The following PLA1A variants were observed in gnomAD, a reference collection of about 807,000 sequenced individuals.
The protein encoded by PLA1A is phosphatidylserine-specific phospholipase A1alpha.
Under a neutral mutation model 49.4 loss-of-function variants are expected in PLA1A, and 47 were observed. The observed-to-expected ratio is 0.95, with a 90% CI of 0.75 to 1.21. The LOEUF (loss-of-function observed/expected upper bound fraction) is 1.21, where lower values mean the gene tolerates loss of function less well. Among genes scored for constraint, PLA1A ranks in the 50% most tolerant of loss-of-function variants. The pLI is 0.00. For missense variants in PLA1A, 561 were observed against 563.9 expected, an observed-to-expected ratio of 0.99 and a Z score of 0.05; for synonymous variants, 224 against 207.9, an observed-to-expected ratio of 1.08 and a Z score of -0.67.
At chr3:119,626,432 G>A (rs961742230) in intron 9 of PLA1A, among the ~76,000 whole-genome samples, 8 of 152,184 alleles carry the variant, frequency 5.3e-5, no homozygotes, top group Non-Finnish European at 1.2e-4. Context: ...AGGAAATGAT[G>A]AGCAGGCTTT....
At position 119,606,819 on chromosome 3, in the gene PLA1A, G is replaced by A. The variant is rs779448679; in HGVS notation, c.119G>A (p.Ser40Asn). The A allele has an allele frequency of 1.2e-6, 2 of 1,614,124 alleles. No individual in the cohort carries two copies. Among genetic ancestry groups the A allele is most frequent in the East Asian group, 2.2e-5 (1 of 44,882 alleles). The change falls in exon 2 of 11, where the codon AGC (serine) becomes AAC (asparagine). Residue 40 changes from serine (S) to asparagine (N), a missense_variant. Ser to Asn is a conservative substitution (Grantham distance 46). Coordinates refer to ENST00000273371, the MANE Select transcript of PLA1A (RefSeq NM_015900.4). ...CAGCCAAAGTGCGCTGACTTCCAGAGCGCCAACCTTTTTGAAGGCACCGAT... is the reference window on the plus strand; with the variant it reads ...CAGCCAAAGTGCGCTGACTTCCAGAACGCCAACCTTTTTGAAGGCACCGAT... ...TPQPKCADFQ[S>N]ANLFEGTDLK...
rs1054158463 is a variant in PLA1A at position 119,606,803 on chromosome 3, T to C, written c.103T>C (p.Cys35Arg). 1 of 1,614,200 alleles carries C rather than the reference T, an allele frequency of 6.2e-7. No individual in the cohort carries two copies. Among genetic ancestry groups the C allele is most frequent in the East Asian group, 2.2e-5 (1 of 44,892 alleles). Residue 35 changes from cysteine (C) to arginine (R), a missense_variant, in exon 2 of 11, where the codon TGC (cysteine) becomes CGC (arginine). Cys to Arg is a radical substitution (Grantham distance 180, BLOSUM62 -3). Transcript: ENST00000273371. ...TGCACCTCCTACCCCACAGCCAAAG[T>C]GCGCTGACTTCCAGAGCGCCAACCT... ...GDAPPTPQPK[C>R]ADFQSANLFE...
At chr3:119,609,376 C>T in intron 3 of PLA1A, 92 bp from the exon 4 acceptor site, 1 of 823,104 alleles carries the variant, frequency 1.2e-6, no homozygotes, top group Non-Finnish European at 2.2e-6. Context: ...ATGCCCAGGG[C>T]CTCGGCTTCT....
At chr3:119,621,032 C>A (rs189305918) in intron 8 of PLA1A, among the ~76,000 whole-genome samples, 1 of 152,188 alleles carries the variant, frequency 6.6e-6, no homozygotes, top group Non-Finnish European at 1.5e-5. Context: ...CTTCTGTCAG[C>A]GCCACCCCAT....
chr3:119,610,847 T>G (rs968217356), intron 4 of PLA1A, among the ~76,000 whole-genome samples: 2 of 152,224 alleles, frequency 1.3e-5, no homozygotes, highest in East Asian at 3.8e-4. Context: ...TTGTTTTTGT[T>G]TCATTTGCTT....
chr3:119,601,416 T>C (rs1695452418), intron 1 of PLA1A, among the ~76,000 whole-genome samples: 1 of 152,202 alleles, frequency 6.6e-6, no homozygotes, highest in South Asian at 2.1e-4. Flanking sequence ...TACTCACCCT[T>C]CTCTAACACT....
rs914047625 is a variant in PLA1A, at chr3:119,616,898, A to G, written c.754+797A>G. ...GACCACTTTTCATTTTTTCTTCATAACACAACTTGAGAAGGGTTTAGTTTG... is the reference window on the plus strand; with the variant it reads ...GACCACTTTTCATTTTTTCTTCATAGCACAACTTGAGAAGGGTTTAGTTTG... On this transcript the variant is annotated intron_variant, in intron 6 of 10. Coordinates refer to ENST00000273371, the MANE Select transcript of PLA1A (RefSeq NM_015900.4). Among the ~76,000 whole-genome samples the G allele has an allele frequency of 4.6e-5, 7 of 152,232 alleles. No individual in the cohort carries two copies. The South Asian group carries it at 1.0e-3, about 23-fold the overall frequency.
intron 6 of PLA1A, 73 bp from the exon 7 acceptor site, chr3:119,617,946 T>C: frequency 8.3e-7 from 1 of 1,200,014 alleles, no homozygotes; most frequent in Non-Finnish European, 1.2e-6. Context: ...TAAAATTCAA[T>C]AGAGTTTCAC....
At chr3:119,624,713 C>T (rs1008918314) in intron 8 of PLA1A, among the ~76,000 whole-genome samples, 5 of 151,916 alleles carry the variant, frequency 3.3e-5, no homozygotes, top group African/African-American at 4.8e-5. Context: ...TCACTGCAAA[C>T]TCTGCCTCCT....
At chr3:119,612,288 G>T (rs2629398) in intron 4 of PLA1A, among the ~76,000 whole-genome samples, 56 of 152,156 alleles carry the variant, frequency 3.7e-4, no homozygotes, top group African/African-American at 1.2e-3. Context: ...GGGAAGGGAA[G>T]GGATCCAAAC....
intron 6 of PLA1A, among the ~76,000 whole-genome samples, chr3:119,617,106 ACTT>A (rs1318230357): frequency 2.6e-5 from 4 of 152,232 alleles, no homozygotes; most frequent in African/African-American, 9.6e-5. Flanking sequence ...CTCACCACAT[ACTT>A]CTTAGTTCCA....
intron 5 of PLA1A, among the ~76,000 whole-genome samples, chr3:119,614,007 G>A (rs914039654): frequency 1.3e-5 from 2 of 152,196 alleles, no homozygotes; most frequent in Non-Finnish European, 2.9e-5. Flanking sequence ...GGAAAGGCGG[G>A]GGCATTCCTC....
At chr3:119,619,465 A>C in intron 7 of PLA1A, 98 bp from the exon 8 acceptor site, 3 of 791,368 alleles carry the variant, frequency 3.8e-6, no homozygotes, top group East Asian at 2.5e-5. Flanking sequence ...TGTCCGTGGA[A>C]TAAATGGGTG....
rs749536205 is a variant in PLA1A, at chr3:119,618,139, G to A, written c.875G>A (p.Arg292His). 18 of 1,613,940 alleles carry A rather than the reference G, an allele frequency of 1.1e-5. No homozygotes were observed. Among genetic ancestry groups the A allele is most frequent in the African/African-American group, 6.7e-5 (5 of 74,934 alleles). The change falls in exon 7 of 11, where the codon CGC becomes CAC. Residue 292 changes from arginine (R) to histidine (H), a missense_variant. By Grantham distance (29) the Arg-to-His change is conservative. Transcript: ENST00000273371. The part of the protein sequence containing the change: ...CASYKAFLAG[R>H]CLDCFNPFLL... ...AGCTACAAGGCCTTCCTTGCTGGAC[G>A]CTGTCTGGATTGCTTTAACCCTTTT...
intron 8 of PLA1A, among the ~76,000 whole-genome samples, chr3:119,623,199 T>C (rs2082968957): frequency 6.6e-6 from 1 of 151,968 alleles, no homozygotes; most frequent in Non-Finnish European, 1.5e-5. Flanking sequence ...TGGAGTGTGG[T>C]GGCACAGTCA....
intron 1 of PLA1A, among the ~76,000 whole-genome samples, chr3:119,602,962 G>A (rs1243422990): frequency 6.6e-6 from 1 of 152,206 alleles, no homozygotes; most frequent in Non-Finnish European, 1.5e-5. Flanking sequence ...GCCGGGCAAA[G>A]ACCCTCAGGC....
At chr3:119,628,911 A>C (rs2052585318) in intron 10 of PLA1A, 46 bp downstream of exon 10, 2 of 1,497,782 alleles carry the variant, frequency 1.3e-6, no homozygotes, top group Non-Finnish European at 1.9e-6. Context: ...TCACACATCA[A>C]AGACCAGTCT....
intron 5 of PLA1A, among the ~76,000 whole-genome samples, chr3:119,614,329 C>T (rs890316383): frequency 3.9e-5 from 6 of 152,080 alleles, no homozygotes; most frequent in South Asian, 2.1e-4. Context: ...CCTGGTCGGG[C>T]GTGGTGGCTC....
At chr3:119,629,249 G>A (rs1012397348) in intron 10 of PLA1A, 135 bp from the exon 11 acceptor site, 17 of 686,296 alleles carry the variant, frequency 2.5e-5, no homozygotes, top group African/African-American at 2.1e-4. Context: ...TGGGCACTTG[G>A]ACCACAGGAA....
Sources: gnomAD v4.1 joint callset for allele counts (sites outside exome capture counted in the v4.1 genomes callset) on GRCh38, gnomAD v4.1.1 for gene constraint, MANE v1.5 for transcripts, NCBI Gene and HGNC (gene_info 2026-07-23, HGNC 2026-07-21) for gene names.